PIKFYVE: variants seen among roughly 807,000 people sequenced by gnomAD.
PIKFYVE encodes 1-phosphatidylinositol 3-phosphate 5-kinase.
In PIKFYVE, 122 loss-of-function variants were observed where a neutral mutation model predicts 257.9. The observed-to-expected ratio is 0.47, with a 90% CI of 0.41 to 0.55. The LOEUF (loss-of-function observed/expected upper bound fraction) is 0.55. PIKFYVE is among the 20% of genes least tolerant of loss of function. PIKFYVE has a pLI of 0.00. For synonymous variants in PIKFYVE, 892 were observed against 868.9 expected (o/e 1.03, Z -0.47); for missense variants, 2,160 against 2,536.6 (o/e 0.85, Z 3.19).
intron 12 of PIKFYVE, among the ~76,000 whole-genome samples, chr2:208,307,551 G>C (rs1401154829): frequency 1.3e-5 from 2 of 150,108 alleles, no homozygotes; most frequent in Non-Finnish European, 2.9e-5. Context: ...AGAGAGTCTA[G>C]ATGACTATAG....
chr2:208,286,597 C>T (rs1009683782), intron 6 of PIKFYVE, among the ~76,000 whole-genome samples: 1 of 151,794 alleles, frequency 6.6e-6, no homozygotes, highest in Non-Finnish European at 1.5e-5. Flanking sequence ...AGTGTAGTGG[C>T]GTGATCATAG....
chr2:208,342,554 T>C lies in PIKFYVE; in HGVS notation c.4932T>C (p.Phe1644=), dbSNP rs778986014. The C allele has an allele frequency of 6.2e-7, 1 of 1,612,220 alleles. No homozygotes were observed. Residue 1644 remains phenylalanine, a splice_region_variant and synonymous_variant, in exon 32 of 42, where the codon TTT becomes TTC. Coordinates refer to ENST00000264380, the MANE Select transcript of PIKFYVE (RefSeq NM_015040.4). ...TTATGTATTTTAAAAATTTGCATAGTGATCCAGATAAACACTACTTAATGT... is the reference window on the plus strand; with the variant it reads ...TTATGTATTTTAAAAATTTGCATAGCGATCCAGATAAACACTACTTAATGT... ...GNSYNPIPFP[F]DPDKHYLMYE...
At chr2:208,314,497 T>A (rs1043722653) in intron 14 of PIKFYVE, 74 bp downstream of exon 14, 42 of 1,473,056 alleles carry the variant, frequency 2.9e-5, no homozygotes, top group Non-Finnish European at 2.9e-5. Flanking sequence ...ATATGCATCA[T>A]TCCTCTTAAA....
At chr2:208,349,272 C>T (rs1479351308) in intron 35 of PIKFYVE, among the ~76,000 whole-genome samples, 1 of 152,002 alleles carries the variant, frequency 6.6e-6, no homozygotes, top group African/African-American at 2.4e-5. Flanking sequence ...TAATGGGATC[C>T]TTGGAAGGCA....
intron 15 of PIKFYVE, among the ~76,000 whole-genome samples, chr2:208,317,386 T>C (rs910880906): frequency 5.3e-5 from 8 of 151,046 alleles, no homozygotes; most frequent in African/African-American, 2.4e-5. Flanking sequence ...AAAATGCTCA[T>C]CATCACTGGC....
At position 208,326,482 on chromosome 2, in the gene PIKFYVE, C is replaced by G. The variant is rs562934214; in HGVS notation, c.3618+53C>G. The G allele has an allele frequency of 3.2e-4, 506 of 1,569,392 alleles. 2 individuals are homozygous for G. Among genetic ancestry groups the G allele is most frequent in the Non-Finnish European group, 3.9e-5 (45 of 1,140,780 alleles). ...TGTGCATTTAGGATGTGTTGAATGA[C>G]TCCTCAAAGGCAGGCTAAAAAAATC... On this transcript the variant is annotated intron_variant, in intron 20 of 41. Transcript: ENST00000264380.
chr2:208,308,664 A>G (rs1694623695), intron 12 of PIKFYVE, among the ~76,000 whole-genome samples: 1 of 150,466 alleles, frequency 6.6e-6, no homozygotes, highest in South Asian at 2.1e-4. Flanking sequence ...CAAAGAGTGT[A>G]GTGTATCTGG....
chr2:208,270,805 G>A (rs1338225469), intron 1 of PIKFYVE, among the ~76,000 whole-genome samples: 2 of 152,088 alleles, frequency 1.3e-5, no homozygotes, highest in Admixed American at 6.5e-5. Context: ...AGGCTGAGGC[G>A]GGTGGATTAC....
chr2:208,290,135 AAGTTAAT>A (rs1692114143), intron 7 of PIKFYVE, among the ~76,000 whole-genome samples: 1 of 152,192 alleles, frequency 6.6e-6, no homozygotes, highest in Non-Finnish European at 1.5e-5. Context: ...CATCGTCTAA[AAGTTAAT>A]AGTTAACATT....
At chr2:208,314,929 G>GT (rs1695321634) in intron 14 of PIKFYVE, among the ~76,000 whole-genome samples, 1 of 151,936 alleles carries the variant, frequency 6.6e-6, no homozygotes, top group East Asian at 1.9e-4. Flanking sequence ...GCCCCAAACT[G>GT]TGCTTGTCTG....
chr2:208,275,058 C>T (rs1689932730), intron 3 of PIKFYVE, among the ~76,000 whole-genome samples: 2 of 152,200 alleles, frequency 1.3e-5, no homozygotes, highest in African/African-American at 4.8e-5. Context: ...TTATTTGATT[C>T]TATCTTGAAG....
chr2:208,275,313 T>C (rs375794111), intron 3 of PIKFYVE, among the ~76,000 whole-genome samples: 3 of 152,210 alleles, frequency 2.0e-5, no homozygotes, highest in African/African-American at 7.2e-5. Context: ...CCAAGAAGGG[T>C]CTCACTCATC....
At chr2:208,276,403 G>A (rs111436870) in intron 3 of PIKFYVE, among the ~76,000 whole-genome samples, 1 of 152,134 alleles carries the variant, frequency 6.6e-6, no homozygotes, top group African/African-American at 2.4e-5. Context: ...GGCTTAAGGA[G>A]TCATTAATGA....
In PIKFYVE at chr2:208,355,343, A is replaced by G. The variant is rs2125843610; in HGVS notation, c.*38A>G. ...ATTTTGAAATGGACTGTGAAGGAAA[A>G]GGGGACAGGAACAAAGGACCAAAAA... On this transcript the variant is annotated 3_prime_UTR_variant, in exon 42 of 42. Transcript: ENST00000264380. 1 of 1,521,382 alleles carries G rather than the reference A, an allele frequency of 6.6e-7. No homozygotes were observed. The highest frequency in any genetic ancestry group is 9.1e-7 in the Non-Finnish European group (1 of 1,096,788). The allele number at this position is 1,521,382 out of a possible 1,614,324, so 94.2% of individuals were successfully genotyped here.
intron 7 of PIKFYVE, among the ~76,000 whole-genome samples, chr2:208,294,060 T>G (rs1348352269): frequency 1.3e-5 from 2 of 152,184 alleles, no homozygotes; most frequent in Admixed American, 1.3e-4. Context: ...TACATTTATA[T>G]TATACCTTTT....
At position 208,302,270 on chromosome 2, in the gene PIKFYVE, A is replaced by G. The variant is rs1416218682; in HGVS notation, c.1237A>G (p.Met413Val). The change falls in exon 10 of 42, where the codon ATG (methionine) becomes GTG (valine). Residue 413 changes from methionine to valine, a missense_variant. Met to Val is a conservative substitution (Grantham distance 21, BLOSUM62 1). Around this residue, in one of 12 missense-constraint regions of PIKFYVE, gnomAD observed 90 missense variants for 110.6 expected, o/e 0.81. Transcript: ENST00000264380. ...ACAAGCTATAGCAATTGGACAAGCA[A>G]TGGTTGATGGACGTTGGCTGGATTG... Reference protein sequence around the residue: ...RAQAIAIGQAMVDGRWLDCVS... With the variant: ...RAQAIAIGQAVVDGRWLDCVS... 3 of 1,614,096 alleles carry G rather than the reference A, an allele frequency of 1.9e-6. No individual in the cohort carries two copies. Among genetic ancestry groups the G allele is most frequent in the Non-Finnish European group, 2.5e-6 (3 of 1,179,962 alleles).
intron 12 of PIKFYVE, among the ~76,000 whole-genome samples, chr2:208,309,116 G>A (rs900591688): frequency 2.0e-5 from 3 of 152,094 alleles, no homozygotes; most frequent in African/African-American, 7.2e-5. Context: ...TATGTTATAG[G>A]GACTTGACTC....
chr2:208,309,714 T>A (rs1694742460), intron 12 of PIKFYVE, among the ~76,000 whole-genome samples: 3 of 152,234 alleles, frequency 2.0e-5, no homozygotes, highest in Non-Finnish European at 2.9e-5. Context: ...TTGGGAGTAG[T>A]GAACTTTTGC....
Position 208,350,812 on chromosome 2 carries a change from T to C in PIKFYVE, c.5476T>C (p.Tyr1826His), listed in dbSNP as rs1463330611. 4 of 1,614,090 alleles carry C rather than the reference T, an allele frequency of 2.5e-6. No homozygotes were observed. Among genetic ancestry groups the C allele is most frequent in the East Asian group, 2.2e-5 (1 of 44,896 alleles). The change falls in exon 37 of 42, where the codon TAT (tyrosine) becomes CAT (histidine). Residue 1826 changes from tyrosine to histidine, a missense_variant. By Grantham distance (83) the Tyr-to-His change is moderately conservative. Around this residue, in one of 12 missense-constraint regions of PIKFYVE, gnomAD observed 699 missense variants for 855.8 expected, o/e 0.82. Coordinates refer to ENST00000264380, the MANE Select transcript of PIKFYVE (RefSeq NM_015040.4). ...TGCCAAGTTTTACTGTCGGCTCTACTATGCGGGAGAGTTTCATAAGATGCG... is the reference window on the plus strand; with the variant it reads ...TGCCAAGTTTTACTGTCGGCTCTACCATGCGGGAGAGTTTCATAAGATGCG... ...ANAKFYCRLY[Y>H]AGEFHKMREV...
Sources: gnomAD v4.1 joint callset for allele counts (sites outside exome capture counted in the v4.1 genomes callset) on GRCh38, gnomAD v4.1.1 for gene constraint, gnomAD v4.1.1 regional missense constraint, MANE v1.5 for transcripts, NCBI Gene and HGNC (gene_info 2026-07-23, HGNC 2026-07-21) for gene names.